Variants in ARHGAP42 observed in about 807,000 individuals in gnomAD.
The protein encoded by ARHGAP42 is Rho GTPase activating protein 42.
ARHGAP42 carries 63 observed loss-of-function variants against 125.0 expected under a neutral mutation model. The ratio of observed to expected loss-of-function variants is 0.50; its 90% CI spans 0.41 to 0.62. The LOEUF (loss-of-function observed/expected upper bound fraction) is 0.62. ARHGAP42 is among the 20% of genes least tolerant of loss of function. ARHGAP42 has a pLI of 0.00. For synonymous variants in ARHGAP42, 339 were observed against 351.0 expected, an observed-to-expected ratio of 0.97 and a Z score of 0.38; for missense variants, 766 against 1,024.2, an observed-to-expected ratio of 0.75 and a Z score of 3.44.
rs548679591 is a variant in ARHGAP42, at chr11:100,726,106, G to C, written c.154+38274G>C. 3.4e-3 allele frequency among the ~76,000 whole-genome samples: 505 copies of C among 148,380 alleles called. 3 individuals carry two copies. Among genetic ancestry groups the C allele is most frequent in the South Asian group, 0.014 (65 of 4,676 alleles). On this transcript the variant is annotated intron_variant, in intron 1 of 23. Transcript: ENST00000298815. Reference sequence around the variant, plus strand: ...AAAAAAAAAAAAAAAAAAGTTACTAGAACAGAGAATTAACTGCAGGCAGAG... The same window carrying C: ...AAAAAAAAAAAAAAAAAAGTTACTACAACAGAGAATTAACTGCAGGCAGAG...
Position 100,827,149 on chromosome 11 carries a change from G to T in ARHGAP42, c.312+31983G>T, listed in dbSNP as rs990510874. The stretch of plus-strand genomic sequence containing the variant: ...CTCCCGAGTAGCTGGGATTACATGG[G>T]CTGCCACCACGCCCAACTAATTTTT... On this transcript the variant is annotated intron_variant, in intron 3 of 23. Transcript: ENST00000298815. Among the ~76,000 whole-genome samples the T allele has an allele frequency of 1.9e-4, 29 of 151,756 alleles. 1 individual carries two copies. Among genetic ancestry groups the T allele is most frequent in the Non-Finnish European group, 1.5e-5 (1 of 67,938 alleles).
chr11:100,951,855 A>G (rs553228418), intron 12 of ARHGAP42, among the ~76,000 whole-genome samples: 9 of 152,242 alleles, frequency 5.9e-5, no homozygotes, highest in African/African-American at 2.2e-4. Context: ...TTTGTATGGT[A>G]TATTAGTTTC....
chr11:100,816,168 A>G (rs1377190804), intron 3 of ARHGAP42, among the ~76,000 whole-genome samples: 1 of 152,214 alleles, frequency 6.6e-6, no homozygotes, highest in Admixed American at 6.5e-5. Context: ...TACAGTCCAG[A>G]AAGTAGTATT....
intron 3 of ARHGAP42, among the ~76,000 whole-genome samples, chr11:100,808,466 C>T (rs539588572): frequency 1.4e-5 from 2 of 138,554 alleles, no homozygotes; most frequent in South Asian, 2.2e-4. Flanking sequence ...ACTGCAGTGG[C>T]GCAATCTCGG....
intron 3 of ARHGAP42, among the ~76,000 whole-genome samples, chr11:100,797,806 C>T (rs1158079544): frequency 6.6e-6 from 1 of 152,144 alleles, no homozygotes; most frequent in Non-Finnish European, 1.5e-5. Context: ...AAGGCTATAG[C>T]TGCCATAGAT....
At chr11:100,879,343 G>A (rs948205951) in intron 4 of ARHGAP42, among the ~76,000 whole-genome samples, 4 of 152,094 alleles carry the variant, frequency 2.6e-5, no homozygotes, top group Non-Finnish European at 4.4e-5. Context: ...ATAACAGAAT[G>A]GTTAAATAAT....
chr11:100,837,667 T>A (rs869261342), intron 3 of ARHGAP42, among the ~76,000 whole-genome samples: 1 of 63,744 alleles, frequency 1.6e-5, no homozygotes, highest in Non-Finnish European at 3.2e-5. Flanking sequence ...GGTGTCATCC[T>A]TTTTTTTTTT....
rs1565210781 is a variant in ARHGAP42, at chr11:100,779,568, A to ATATACGTATACATACGTATATT, written c.250+9132_250+9133insTACGTATACATACGTATATTTA. Reference sequence around the variant, plus strand: ...TATATATACATATACATACGTATATATACGTATATATACATATATACGTGT... The same window carrying ATATACGTATACATACGTATATT: ...TATATATACATATACATACGTATATATATACGTATACATACGTATATTTACGTATATATACATATATACGTGT... On this transcript the variant is annotated intron_variant, in intron 2 of 23. Transcript: ENST00000298815. 2.8e-5 allele frequency among the ~76,000 whole-genome samples: 4 copies of ATATACGTATACATACGTATATT among 144,304 alleles called. 1 individual carries two copies. Among genetic ancestry groups the ATATACGTATACATACGTATATT allele is most frequent in the Non-Finnish European group, 6.1e-5 (4 of 65,304 alleles). 94.7% of individuals were successfully genotyped at this position (144,304 alleles called of 152,430 possible). A position where few individuals can be genotyped will look rare whatever the true frequency, so the allele number is the denominator to read the frequency against.
intron 5 of ARHGAP42, among the ~76,000 whole-genome samples, chr11:100,917,128 A>G (rs1867090889): frequency 6.6e-6 from 1 of 152,096 alleles, no homozygotes; most frequent in Non-Finnish European, 1.5e-5. Flanking sequence ...AACAAATAAT[A>G]AATAAGCTTA....
At position 100,968,936 on chromosome 11, in the gene ARHGAP42, GT is replaced by G. The variant is rs200030677; in HGVS notation, c.1550+3167del. Among the ~76,000 whole-genome samples, 15 of 34,134 alleles carry G rather than the reference GT, an allele frequency of 4.4e-4. No homozygotes were observed. The East Asian group carries it at 0.065, about 148-fold the overall frequency. The allele number at this position is 34,134 out of a possible 152,430, so 22.4% of individuals were successfully genotyped here. On this transcript the variant is annotated intron_variant, in intron 17 of 23. Coordinates refer to ENST00000298815, the MANE Select transcript of ARHGAP42 (RefSeq NM_152432.4). ...AATTACCTACACTGGGTGTTTTTTTGTTTTTTTGTGTGTGTTTGTTTGTTTT... is the reference window on the plus strand; with the variant it reads ...AATTACCTACACTGGGTGTTTTTTTGTTTTTTGTGTGTGTTTGTTTGTTTT...
chr11:100,968,688 A>T (rs1333681138), intron 17 of ARHGAP42, among the ~76,000 whole-genome samples: 1 of 151,932 alleles, frequency 6.6e-6, no homozygotes, highest in Non-Finnish European at 1.5e-5. Context: ...TAACCTTTTC[A>T]TTTGTTCCTG....
chr11:100,943,434 A>G (rs751191007), intron 9 of ARHGAP42, among the ~76,000 whole-genome samples: 8 of 152,036 alleles, frequency 5.3e-5, no homozygotes, highest in Non-Finnish European at 1.2e-4. Context: ...TGACTGTGTA[A>G]CTTCATACGT....
At chr11:100,767,342 CACTT>C (rs1179595287) in intron 1 of ARHGAP42, among the ~76,000 whole-genome samples, 1 of 152,178 alleles carries the variant, frequency 6.6e-6, no homozygotes, top group Non-Finnish European at 1.5e-5. Context: ...ACAGTCATGA[CACTT>C]AATTATTGGT....
chr11:100,885,107 G>A (rs1239883236), intron 4 of ARHGAP42, among the ~76,000 whole-genome samples: 1 of 152,176 alleles, frequency 6.6e-6, no homozygotes, highest in Admixed American at 6.5e-5. Context: ...ATTTAGCGGA[G>A]TTGGCATGTA....
intron 4 of ARHGAP42, among the ~76,000 whole-genome samples, chr11:100,860,951 C>A (rs189391157): frequency 6.6e-6 from 1 of 152,144 alleles, no homozygotes; most frequent in African/African-American, 2.4e-5. Context: ...ATAAGATGAA[C>A]GGATGTAGCT....
chr11:100,977,928 G>A (rs190956511), intron 21 of ARHGAP42, among the ~76,000 whole-genome samples: 4 of 152,282 alleles, frequency 2.6e-5, no homozygotes, highest in African/African-American at 9.6e-5. Flanking sequence ...TATAGGAACT[G>A]TGTCATAAAT....
chr11:100,951,847 T>C (rs371450053), intron 12 of ARHGAP42, among the ~76,000 whole-genome samples: 5 of 152,152 alleles, frequency 3.3e-5, no homozygotes, highest in East Asian at 3.9e-4. Flanking sequence ...TCTGGCTTTT[T>C]GTATGGTATA....
At chr11:100,788,328 T>C (rs1863483186) in intron 2 of ARHGAP42, among the ~76,000 whole-genome samples, 1 of 152,172 alleles carries the variant, frequency 6.6e-6, no homozygotes, top group Non-Finnish European at 1.5e-5. Context: ...AAGGAGGACA[T>C]TGTGGAGAAC....
At chr11:100,871,293 C>T (rs1865688698) in intron 4 of ARHGAP42, among the ~76,000 whole-genome samples, 1 of 151,794 alleles carries the variant, frequency 6.6e-6, no homozygotes, top group African/African-American at 2.4e-5. Context: ...TACCTATAAT[C>T]CTAACCCTTT....
Sources: gnomAD v4.1 joint callset for allele counts (sites outside exome capture counted in the v4.1 genomes callset) on GRCh38, gnomAD v4.1.1 for gene constraint, MANE v1.5 for transcripts, NCBI Gene and HGNC (gene_info 2026-07-23, HGNC 2026-07-21) for gene names.